Variants in CROCC observed in about 807,000 individuals in gnomAD.
CROCC encodes rootletin.
In CROCC, 180 loss-of-function variants were observed where a neutral mutation model predicts 245.2. The observed-to-expected ratio is 0.73, with a 90% confidence interval of 0.65 to 0.83. The LOEUF (loss-of-function observed/expected upper bound fraction) is 0.83. CROCC is among the 40% of genes least tolerant of loss of function. CROCC has a pLI of 0.00. For missense variants in CROCC, 2,688 were observed against 2,779.4 expected, an observed-to-expected ratio of 0.97 and a Z score of 0.74; for synonymous variants, 1,205 against 1,241.6, an observed-to-expected ratio of 0.97 and a Z score of 0.62.
In CROCC at chr1:16,936,760, G is replaced by A. The variant is rs116114310; in HGVS notation, c.1080G>A (p.Gln360=). 3.4e-3 allele frequency: 5,489 copies of A among 1,610,228 alleles called. 22 individuals carry two copies. In the African/African-American group the frequency reaches 0.058, roughly 17 times the overall value. The part of the protein sequence containing the change: ...ESRAEAALEK[Q]ALLQAQLEEQ... ...GGGCCGAGGCAGCCCTGGAGAAACA[G>A]GCCCTGCTGCAGGCCCAGCTGGAGG... Residue 360 remains glutamine (Q), a synonymous_variant, in exon 9 of 37, where the codon CAG becomes CAA. Transcript: ENST00000375541.
chr1:16,923,870 A>G (rs1163318065), intron 2 of CROCC, among the ~76,000 whole-genome samples: 1 of 152,228 alleles, frequency 6.6e-6, no homozygotes, highest in African/African-American at 2.4e-5. Context: ...TAGTAGAGAC[A>G]GGGCTTCGCC....
intron 12 of CROCC, 43 bp downstream of exon 12, chr1:16,939,185 G>T (rs1409627088): frequency 3.4e-4 from 481 of 1,398,188 alleles, no homozygotes; most frequent in Non-Finnish European, 4.1e-4. Context: ...CAGAGGCCTG[G>T]GGGAGGGGCT....
chr1:16,972,436 CAG>C lies in CROCC; in HGVS notation c.6048_6049del (p.Lys2017MetfsTer74). On this transcript the variant is annotated frameshift_variant, in exon 37 of 37. Coordinates refer to ENST00000375541, the MANE Select transcript of CROCC (RefSeq NM_014675.5). LOFTEE classifies it high-confidence loss of function. ...CCCTTCTCCCCACCCTCCGGCCCCC[CAG>C]AGAAATGAGCTCCTGCTGGCATCTG... The C allele has an allele frequency of 6.2e-7, 1 of 1,612,560 alleles. No individual in the cohort carries two copies. Among genetic ancestry groups the C allele is most frequent in the South Asian group, 1.1e-5 (1 of 90,758 alleles).
In CROCC at chr1:16,936,647, C is replaced by T. The variant is rs1479676488; in HGVS notation, c.967C>T (p.Gln323Ter). The T allele has an allele frequency of 4.4e-6, 7 of 1,590,224 alleles. No homozygotes were observed. Among genetic ancestry groups the T allele is most frequent in the Non-Finnish European group, 6.0e-6 (7 of 1,167,538 alleles). ...VKMFTERDLL[Q>*]LGGELARTSR... Reference sequence around the variant, plus strand: ...TGCTCTCTCCCGAAGGGACCTGCTGCAGCTGGGAGGGGAGCTGGCCCGGAC... The same window carrying T: ...TGCTCTCTCCCGAAGGGACCTGCTGTAGCTGGGAGGGGAGCTGGCCCGGAC... The change falls in exon 9 of 37, where the codon CAG becomes TAG. Residue 323 changes from glutamine to a stop codon, truncating the protein, a stop_gained. Transcript: ENST00000375541. LOFTEE classifies it high-confidence loss of function.
In CROCC at chr1:16,915,490, A is replaced by G. The variant is rs1272854431; in HGVS notation, n.126-14796A>G. 2.6e-5 allele frequency among the ~76,000 whole-genome samples: 4 copies of G among 152,182 alleles called. No homozygotes were observed. The East Asian group carries it at 5.8e-4, about 22-fold the overall frequency. On this transcript the variant is annotated intron_variant and non_coding_transcript_variant, in intron 1 of 8. Transcript: ENST00000466256. ...ATCTCATCTCTACAACAAGTAAAAA[A>G]TTAGCCAGACGTGGTGGCACGCACC...
intron 15 of CROCC, 147 bp from the exon 16 acceptor site, chr1:16,946,112 T>C: frequency 2.3e-6 from 1 of 436,402 alleles, no homozygotes. Context: ...TCTGCGGTGA[T>C]TTTTTTTTTT....
In CROCC at chr1:16,921,985, A is replaced by T. The variant is rs184446252; in HGVS notation, c.-34A>T. Reference sequence around the variant, plus strand: ...TGAGCTAGTCTTGGGGTCCTGGAGAAGGGGGCTGGAGGCATGCCCACAGCC... The same window carrying T: ...TGAGCTAGTCTTGGGGTCCTGGAGATGGGGGCTGGAGGCATGCCCACAGCC... On this transcript the variant is annotated 5_prime_UTR_variant, in exon 1 of 37. It adds an upstream start codon to the 5' untranslated region. Transcript: ENST00000375541. 1.3e-6 allele frequency: 2 copies of T among 1,538,656 alleles called. No individual in the cohort carries two copies. The highest frequency in any genetic ancestry group is 1.8e-6 in the Non-Finnish European group (2 of 1,135,806).
In CROCC at chr1:16,948,946, T is replaced by C; in HGVS notation, c.2836+20T>C. 1 of 1,609,764 alleles carries C rather than the reference T, an allele frequency of 6.2e-7. No individual in the cohort carries two copies. The highest frequency in any genetic ancestry group is 8.5e-7 in the Non-Finnish European group (1 of 1,178,984). ...TGACTGGTACGAGGGGCTGGGGACT[T>C]GGGGGGAACACCAGGTTCCAGCCCA... On this transcript the variant is annotated intron_variant, in intron 19 of 36. Coordinates refer to ENST00000375541, the MANE Select transcript of CROCC (RefSeq NM_014675.5).
rs773930923 is a variant in CROCC at position 16,961,035 on chromosome 1, G to T, written c.4310G>T (p.Arg1437Leu). The change falls in exon 27 of 37, where the codon CGC (arginine) becomes CTC (leucine). Residue 1437 changes from arginine to leucine, a missense_variant. Around this residue, in one of 9 missense-constraint regions of CROCC, gnomAD observed 1,218 missense variants for 1,286.3 expected, o/e 0.95. Coordinates refer to ENST00000375541, the MANE Select transcript of CROCC (RefSeq NM_014675.5). ...GCGGAGGCCCAGCTGGGTGGCCTGC[G>T]CTCGGCTCTGCGCCGGGGCCTCGGC... ...RAAEAQLGGLRSALRRGLGLG... is the reference protein window; with the variant it reads ...RAAEAQLGGLLSALRRGLGLG... The T allele has an allele frequency of 2.7e-5, 36 of 1,314,614 alleles. 2 individuals carry two copies. The South Asian group carries it at 7.4e-4, about 27-fold the overall frequency. 81.4% of individuals were successfully genotyped at this position (1,314,614 alleles called of 1,614,324 possible). A position where few individuals can be genotyped will look rare whatever the true frequency, so the allele number is the denominator to read the frequency against.
chr1:16,946,827 C>G lies in CROCC; in HGVS notation c.2350C>G (p.Arg784Gly), dbSNP rs566600825. The G allele has an allele frequency of 6.4e-7, 1 of 1,553,544 alleles. No homozygotes were observed. The highest frequency in any genetic ancestry group is 2.4e-5 in the East Asian group (1 of 41,174). Residue 784 changes from arginine (R) to glycine (G), a missense_variant, in exon 17 of 37, where the codon CGG (arginine) becomes GGG (glycine). Physicochemically the swap from Arg to Gly is moderately radical, Grantham distance 125. Coordinates refer to ENST00000375541, the MANE Select transcript of CROCC (RefSeq NM_014675.5). ...RQAEQEATVA[R>G]EEQERLEELR... ...GGCAGAGCAGGAGGCCACAGTGGCGCGGGAAGAGCAGGAACGGCTAGAGGA... is the reference window on the plus strand; with the variant it reads ...GGCAGAGCAGGAGGCCACAGTGGCGGGGGAAGAGCAGGAACGGCTAGAGGA...
intron 13 of CROCC, chr1:16,941,207 G>A (rs2075924290): frequency 6.5e-6 from 1 of 154,182 alleles, no homozygotes; most frequent in Non-Finnish European, 1.4e-5. Context: ...ATTCAGGCTG[G>A]GTGTGGTGGC....
chr1:16,971,603 C>T lies in CROCC; in HGVS notation c.5923C>T (p.Arg1975Trp), dbSNP rs368707716. 168 of 1,520,876 alleles carry T rather than the reference C, an allele frequency of 1.1e-4. No individual in the cohort carries two copies. Among genetic ancestry groups the T allele is most frequent in the East Asian group, 8.9e-4 (36 of 40,266 alleles). 94.2% of individuals were successfully genotyped at this position (1,520,876 alleles called of 1,614,324 possible). A position where few individuals can be genotyped will look rare whatever the true frequency, so the allele number is the denominator to read the frequency against. Residue 1975 changes from arginine to tryptophan, a missense_variant, in exon 36 of 37, where the codon CGG becomes TGG. Physicochemically the swap from Arg to Trp is moderately radical, Grantham distance 101. This residue lies in a region of CROCC where 1,218 missense variants were observed against 1,286.3 expected (regional missense o/e 0.95). Coordinates refer to ENST00000375541, the MANE Select transcript of CROCC (RefSeq NM_014675.5). ...QAQTERTLEA[R>W]ERAHRQRVRG... The stretch of plus-strand genomic sequence containing the variant: ...GCAGACTGAGCGCACCCTGGAGGCT[C>T]GGGAGCGGGCCCACCGCCAGAGGGT...
chr1:16,934,193 G>A (rs2075739990), intron 8 of CROCC, among the ~76,000 whole-genome samples: 1 of 152,226 alleles, frequency 6.6e-6, no homozygotes, highest in South Asian at 2.1e-4. Context: ...TCACTCCTGT[G>A]TATATTAATT....
At chr1:16,927,221 C>T (rs181273755) in intron 3 of CROCC, among the ~76,000 whole-genome samples, 4 of 152,390 alleles carry the variant, frequency 2.6e-5, no homozygotes, top group Non-Finnish European at 4.4e-5. Context: ...GCACACACAG[C>T]CAGATGCCAC....
rs2075852227 is a variant in CROCC, at chr1:16,938,914, C to T, written c.1380C>T (p.Val460=). 1 of 1,603,752 alleles carries T rather than the reference C, an allele frequency of 6.2e-7. No individual in the cohort carries two copies. Among genetic ancestry groups the T allele is most frequent in the East Asian group, 2.3e-5 (1 of 44,430 alleles). Residue 460 remains valine, a synonymous_variant, in exon 12 of 37, where the codon GTC becomes GTT. Coordinates refer to ENST00000375541, the MANE Select transcript of CROCC (RefSeq NM_014675.5). ...CCTCCCTCCCCCACCCTCAGGCCGTCTTGTCAGACTCTGAGAGCGGCGTCC... is the reference window on the plus strand; with the variant it reads ...CCTCCCTCCCCCACCCTCAGGCCGTTTTGTCAGACTCTGAGAGCGGCGTCC... The part of the protein sequence containing the change: ...QQTLRDLAQA[V]LSDSESGVQL...
At chr1:16,932,745 G>A (rs1319585484) in intron 8 of CROCC, among the ~76,000 whole-genome samples, 4 of 152,278 alleles carry the variant, frequency 2.6e-5, no homozygotes, top group Non-Finnish European at 5.9e-5. Flanking sequence ...GGGAGCTTGG[G>A]CCTGCCTGAT....
chr1:16,923,313 G>A (rs566131505), intron 2 of CROCC, among the ~76,000 whole-genome samples: 3 of 152,278 alleles, frequency 2.0e-5, no homozygotes, highest in Non-Finnish European at 4.4e-5. Flanking sequence ...GCTGGCGTGT[G>A]GCGTTTTGGT....
Position 16,946,766 on chromosome 1 carries a change from G to A in CROCC, c.2289G>A (p.Glu763=), listed in dbSNP as rs2076056042. 1.3e-6 allele frequency: 2 copies of A among 1,551,288 alleles called. No homozygotes were observed. The highest frequency in any genetic ancestry group is 2.0e-5 in the Admixed American group (1 of 50,990). ...CACTCCTACCTGGCCTCCAGCTGGA[G>A]GAAGAAAAGTCCGCCCTGCAGGGCC... is the stretch of plus-strand genomic sequence containing the variant. ...LDLNRLVAQL[E]EEKSALQGRQ... Residue 763 remains glutamate (E), a synonymous_variant, in exon 17 of 37, where the codon GAG becomes GAA. Coordinates refer to ENST00000375541, the MANE Select transcript of CROCC (RefSeq NM_014675.5).
rs1464437450 is a variant in CROCC, at chr1:16,970,558, T to G, written c.5653-78T>G. The G allele has an allele frequency of 4.7e-6, 7 of 1,474,304 alleles. No individual in the cohort carries two copies. In the East Asian group the frequency reaches 1.7e-4, roughly 36 times the overall value. 91.3% of individuals were successfully genotyped at this position (1,474,304 alleles called of 1,614,324 possible). Reference sequence around the variant, plus strand: ...GCTACCTCTGGTGGGGTTAGGTTATTCCATCAGGGTTCAGGAACCTGAGCC... The same window carrying G: ...GCTACCTCTGGTGGGGTTAGGTTATGCCATCAGGGTTCAGGAACCTGAGCC... On this transcript the variant is annotated intron_variant, in intron 34 of 36. Transcript: ENST00000375541.
Sources: gnomAD v4.1 joint callset for allele counts (sites outside exome capture counted in the v4.1 genomes callset) on GRCh38, gnomAD v4.1.1 for gene constraint, gnomAD v4.1.1 regional missense constraint, MANE v1.5 for transcripts, NCBI Gene and HGNC (gene_info 2026-07-23, HGNC 2026-07-21) for gene names.